The following PARD3 variants were observed in gnomAD, a reference collection of about 807,000 sequenced individuals.
PARD3 encodes the protein partitioning defective 3 homolog.
Under a neutral mutation model 155.4 loss-of-function variants are expected in PARD3, and 75 were observed. The ratio of observed to expected loss-of-function variants is 0.48; its 90% CI spans 0.40 to 0.58. The LOEUF (loss-of-function observed/expected upper bound fraction) is 0.58, where lower values mean the gene tolerates loss of function less well. Among genes scored for constraint, PARD3 ranks in the 20% least tolerant of loss-of-function variants. The pLI is 0.00. For synonymous variants in PARD3, 576 were observed against 610.5 expected (o/e 0.94, Z 0.83); for missense variants, 1,642 against 1,721.7 (o/e 0.95, Z 0.82).
Position 34,378,013 on chromosome 10 carries a change from GC to G in PARD3, c.1492del (p.Ala498ArgfsTer15). The stretch of plus-strand genomic sequence containing the variant: ...CTTAAGTCGGCCATCCTGAATGGCC[GC>G]CCCCCGGGGGAGAATGTTTTTCACA... The part of the protein sequence containing the change: ...IYVKNILPRG[A>X]AIQDGRLKAG... On this transcript the variant is annotated frameshift_variant, in exon 10 of 25. Coordinates refer to ENST00000374788, the MANE Select transcript of PARD3 (RefSeq NM_001184785.2). LOFTEE classifies it high-confidence loss of function. 1.9e-6 allele frequency: 3 copies of G among 1,583,808 alleles called. No individual in the cohort carries two copies. Among genetic ancestry groups the G allele is most frequent in the Non-Finnish European group, 1.7e-6 (2 of 1,167,824 alleles).
At chr10:34,246,753 T>C (rs1953976504) in intron 22 of PARD3, among the ~76,000 whole-genome samples, 1 of 152,118 alleles carries the variant, frequency 6.6e-6, no homozygotes, top group African/African-American at 2.4e-5. Flanking sequence ...GGAGACTGCA[T>C]GGACTGAATA....
chr10:34,793,673 C>T (rs1356806686), intron 1 of PARD3, among the ~76,000 whole-genome samples: 1 of 152,040 alleles, frequency 6.6e-6, no homozygotes, highest in African/African-American at 2.4e-5. Flanking sequence ...ATAATCCCTG[C>T]TACTTGGGAG....
chr10:34,346,160 T>C (rs1837400238), intron 15 of PARD3: 9 of 1,098,650 alleles, frequency 8.2e-6, no homozygotes, highest in Non-Finnish European at 1.0e-5. Flanking sequence ...GTTCAGTACA[T>C]ATCTAGCAGA....
intron 2 of PARD3, among the ~76,000 whole-genome samples, chr10:34,654,888 C>A (rs1331965066): frequency 6.6e-6 from 1 of 152,138 alleles, no homozygotes; most frequent in African/African-American, 2.4e-5. Context: ...CACCTGTTAC[C>A]AGCTTTCCCC....
chr10:34,715,960 T>TA (rs2094513966), intron 1 of PARD3, among the ~76,000 whole-genome samples: 1 of 152,208 alleles, frequency 6.6e-6, no homozygotes, highest in African/African-American at 2.4e-5. Context: ...TACTGGCACT[T>TA]AGATTTTTCT....
intron 22 of PARD3, among the ~76,000 whole-genome samples, chr10:34,239,086 C>T (rs563654006): frequency 2.6e-5 from 4 of 152,220 alleles, no homozygotes; most frequent in Admixed American, 6.5e-5. Flanking sequence ...TTCACCATTT[C>T]GGAATTTGTT....
At chr10:34,795,979 T>C (rs995124848) in intron 1 of PARD3, among the ~76,000 whole-genome samples, 4 of 152,152 alleles carry the variant, frequency 2.6e-5, no homozygotes, top group Middle Eastern at 3.2e-3. Context: ...AATTGACACA[T>C]AGAGACATTG....
chr10:34,302,764 G>A (rs1307300210), intron 20 of PARD3, among the ~76,000 whole-genome samples: 1 of 152,206 alleles, frequency 6.6e-6, no homozygotes, highest in Admixed American at 6.5e-5. Context: ...AGAGAAAGAA[G>A]TCAAAACCTC....
At chr10:34,318,939 G>T (rs1353486269) in intron 19 of PARD3, among the ~76,000 whole-genome samples, 1 of 149,546 alleles carries the variant, frequency 6.7e-6, no homozygotes, top group East Asian at 2.0e-4. Flanking sequence ...CTAATTTTTT[G>T]TATTTTTAGT....
At chr10:34,344,896 GTTAA>G in intron 15 of PARD3, 3 of 985,342 alleles carry the variant, frequency 3.0e-6, no homozygotes, top group Non-Finnish European at 2.4e-6. Flanking sequence ...CTTCTGTCAA[GTTAA>G]TTAATGTATT....
At chr10:34,627,472 G>A (rs1297163890) in intron 2 of PARD3, among the ~76,000 whole-genome samples, 6 of 152,178 alleles carry the variant, frequency 3.9e-5, no homozygotes, top group East Asian at 3.9e-4. Flanking sequence ...TCATTAGGGT[G>A]AGCCCTAATC....
chr10:34,635,231 C>T (rs1463365516), intron 2 of PARD3, among the ~76,000 whole-genome samples: 3 of 152,240 alleles, frequency 2.0e-5, no homozygotes, highest in South Asian at 4.1e-4. Context: ...ACCATGTTGC[C>T]GGTCTTCTGA....
intron 2 of PARD3, among the ~76,000 whole-genome samples, chr10:34,625,527 T>C (rs1032821669): frequency 6.6e-6 from 1 of 152,214 alleles, no homozygotes; most frequent in Non-Finnish European, 1.5e-5. Flanking sequence ...GCTAGAAAAG[T>C]ACAAGCTCGG....
At chr10:34,162,849 C>T (rs1446722066) in intron 22 of PARD3, among the ~76,000 whole-genome samples, 1 of 152,172 alleles carries the variant, frequency 6.6e-6, no homozygotes, top group Non-Finnish European at 1.5e-5. Flanking sequence ...TGGCCACACA[C>T]TTCCAACAGG....
At chr10:34,804,549 T>G (rs1843142210) in intron 1 of PARD3, among the ~76,000 whole-genome samples, 1 of 152,246 alleles carries the variant, frequency 6.6e-6, no homozygotes, top group African/African-American at 2.4e-5. Context: ...AGTATAACCC[T>G]GCTGGGCAGG....
chr10:34,311,113 C>T (rs1957675162), intron 20 of PARD3, among the ~76,000 whole-genome samples: 1 of 152,166 alleles, frequency 6.6e-6, no homozygotes, highest in Non-Finnish European at 1.5e-5. Context: ...TGTCTCCTTA[C>T]TAGAACTGAG....
intron 22 of PARD3, among the ~76,000 whole-genome samples, chr10:34,151,845 T>C (rs531041359): frequency 2.6e-5 from 4 of 152,262 alleles, no homozygotes; most frequent in African/African-American, 9.6e-5. Context: ...TCTCTAAATC[T>C]TTATAGTAAC....
At position 34,465,327 on chromosome 10, in the gene PARD3, A is replaced by G. The variant is rs147375691; in HGVS notation, c.582+4758T>C. Among the ~76,000 whole-genome samples the G allele has an allele frequency of 7.1e-3, 1,074 of 152,280 alleles. 11 individuals are homozygous for G. The highest frequency in any genetic ancestry group is 0.024 in the African/African-American group (1,017 of 41,562). Reference sequence around the variant, plus strand: ...GCTGTATTACTATCAGGGAAAAAAAAGGGGGTTGGGGAACCTTGAAAAATA... The same window carrying G: ...GCTGTATTACTATCAGGGAAAAAAAGGGGGGTTGGGGAACCTTGAAAAATA... On this transcript the variant is annotated intron_variant, in intron 4 of 24. Transcript: ENST00000374788.
chr10:34,815,091 G>A lies in PARD3; in HGVS notation c.-96C>T. The A allele has an allele frequency of 2.3e-6, 2 of 857,572 alleles. No homozygotes were observed. Among genetic ancestry groups the A allele is most frequent in the Non-Finnish European group, 2.9e-6 (2 of 687,816 alleles). The allele number at this position is 857,572 out of a possible 1,614,324, so 53.1% of individuals were successfully genotyped here. A position where few individuals can be genotyped will look rare whatever the true frequency, so the allele number is the denominator to read the frequency against. Reference sequence around the variant, plus strand: ...GACGCTGGGCGCGGAGGAGCCGCTGGGGACTCGGGCGCGCGGGCGGCTAGG... The same window carrying A: ...GACGCTGGGCGCGGAGGAGCCGCTGAGGACTCGGGCGCGCGGGCGGCTAGG... On this transcript the variant is annotated 5_prime_UTR_variant, in exon 1 of 25. Transcript: ENST00000374788.
Sources: allele counts gnomAD v4.1 joint callset (sites outside exome capture counted in the v4.1 genomes callset), GRCh38; gene constraint gnomAD v4.1.1; transcripts MANE v1.5; gene names NCBI Gene and HGNC (gene_info 2026-07-23, HGNC 2026-07-21).